NHSL1: variants seen among roughly 807,000 people sequenced by gnomAD.
NHSL1 encodes NHS like 1, also known as NHS-like protein 1.
NHSL1 carries 48 observed loss-of-function variants against 95.0 expected under a neutral mutation model. The ratio of observed to expected loss-of-function variants is 0.51; its 90% CI spans 0.40 to 0.64. The LOEUF (loss-of-function observed/expected upper bound fraction) is 0.64. Ranked by LOEUF, NHSL1 falls within the 30% of genes least tolerant of loss-of-function variation. NHSL1 has a pLI of 0.00. For synonymous variants in NHSL1, 783 were observed against 833.9 expected, an observed-to-expected ratio of 0.94 and a Z score of 1.05; for missense variants, 1,971 against 2,077.7, an observed-to-expected ratio of 0.95 and a Z score of 1.00.
At chr6:138,670,610 G>A (rs1387266277) in intron 1 of NHSL1, among the ~76,000 whole-genome samples, 1 of 141,032 alleles carries the variant, frequency 7.1e-6, no homozygotes, top group Non-Finnish European at 1.5e-5. Flanking sequence ...AGCTTGCAGT[G>A]AGCCGAGATC....
In NHSL1 at chr6:138,432,762, G is replaced by C. The variant is rs1775791147; in HGVS notation, c.1583C>G (p.Ala528Gly). ...YNCRNNLAFPAHPQDVDGKSE... is the reference protein window; with the variant it reads ...YNCRNNLAFPGHPQDVDGKSE... ...CTTGCCATCCACATCTTGGGGGTGG[G>C]CTGGGAAGGCCAGGTTGTTTCTACA... Residue 528 changes from alanine (A) to glycine (G), a missense_variant, in exon 6 of 8, where the codon GCC (alanine) becomes GGC (glycine). Ala to Gly is a moderately conservative substitution (Grantham distance 60). Coordinates refer to ENST00000343505, the MANE Select transcript of NHSL1 (RefSeq NM_001144060.2). This position sits in a 1 kb window ranked among gnomAD's most constrained non-coding sequence, Gnocchi z 4.4. 2 of 1,551,632 alleles carry C rather than the reference G, an allele frequency of 1.3e-6. No individual in the cohort carries two copies. Among genetic ancestry groups the C allele is most frequent in the Non-Finnish European group, 1.7e-6 (2 of 1,146,934 alleles).
At chr6:138,530,250 A>C (rs753839364) in intron 1 of NHSL1, among the ~76,000 whole-genome samples, 4 of 152,202 alleles carry the variant, frequency 2.6e-5, no homozygotes, top group Non-Finnish European at 5.9e-5. Flanking sequence ...AACTGCAATG[A>C]GATACCACCT....
rs141567794 is a variant in NHSL1, at chr6:138,498,712, G to C, written c.58+521C>G. Among the ~76,000 whole-genome samples, 647 of 152,300 alleles carry C rather than the reference G, an allele frequency of 4.2e-3. 6 individuals carry two copies. The highest frequency in any genetic ancestry group is 0.014 in the African/African-American group (598 of 41,566). On this transcript the variant is annotated intron_variant, in intron 1 of 7. Coordinates refer to ENST00000343505, the MANE Select transcript of NHSL1 (RefSeq NM_001144060.2). ...TGTACCTTACAACAATCACTGATCA[G>C]TCTAGACAGTTTGTGCTCGAGCTCT... is the stretch of plus-strand genomic sequence containing the variant.
intron 1 of NHSL1, among the ~76,000 whole-genome samples, chr6:138,540,488 AAAT>A: frequency 6.6e-6 from 1 of 152,252 alleles, no homozygotes; most frequent in Non-Finnish European, 1.5e-5. Context: ...TTCAGCACAG[AAAT>A]AACAAATCTG....
chr6:138,629,128 T>G (rs866896237), intron 1 of NHSL1, among the ~76,000 whole-genome samples: 1 of 152,214 alleles, frequency 6.6e-6, no homozygotes, highest in Non-Finnish European at 1.5e-5. Flanking sequence ...TCTTAAGTTC[T>G]GCCGCCTGTA....
At chr6:138,639,309 C>T (rs1784928767) in intron 1 of NHSL1, among the ~76,000 whole-genome samples, 1 of 151,878 alleles carries the variant, frequency 6.6e-6, no homozygotes, top group South Asian at 2.1e-4. Context: ...TAAATAATTC[C>T]CCTATAACAA....
intron 2 of NHSL1, among the ~76,000 whole-genome samples, chr6:138,474,938 C>T (rs890147585): frequency 1.3e-5 from 2 of 152,080 alleles, no homozygotes; most frequent in South Asian, 4.1e-4. Flanking sequence ...CATCTGAGGT[C>T]GGGAATTCAA....
chr6:138,478,271 G>A (rs57900502), intron 2 of NHSL1, among the ~76,000 whole-genome samples: 7,923 of 151,766 alleles, frequency 0.052, 678 homozygotes, highest in African/African-American at 0.18. Flanking sequence ...GTGAACCACC[G>A]CGCTGGCCAT....
chr6:138,501,872 A>C (rs1035678880), upstream of NHSL1, among the ~76,000 whole-genome samples: 4 of 152,234 alleles, frequency 2.6e-5, no homozygotes, highest in Non-Finnish European at 5.9e-5. Context: ...CATTACTTAT[A>C]GTACCTAATA....
Position 138,432,156 on chromosome 6 carries a change from T to C in NHSL1, c.2189A>G (p.Glu730Gly). Residue 730 changes from glutamate to glycine, a missense_variant, in exon 6 of 8, where the codon GAG (glutamate) becomes GGG (glycine). Glu to Gly is a moderately conservative substitution (Grantham distance 98, BLOSUM62 -2). Transcript: ENST00000343505. This position sits in a 1 kb window ranked among gnomAD's most constrained non-coding sequence, Gnocchi z 4.4. ...GCTCCGGGAGCGGGGCAGCCAGGGCTCTTCCAAGTCACTGCAGGGGCTCTG... is the reference window on the plus strand; with the variant it reads ...GCTCCGGGAGCGGGGCAGCCAGGGCCCTTCCAAGTCACTGCAGGGGCTCTG... ...PSQSPCSDLE[E>G]PWLPRSRSQS... is the part of the protein sequence containing the mutation. 1 of 1,548,216 alleles carries C rather than the reference T, an allele frequency of 6.5e-7. No individual in the cohort carries two copies. The highest frequency in any genetic ancestry group is 2.0e-5 in the Admixed American group (1 of 50,834).
At chr6:138,680,684 T>A (rs1330673780) in intron 1 of NHSL1, among the ~76,000 whole-genome samples, 6 of 152,230 alleles carry the variant, frequency 3.9e-5, no homozygotes, top group Non-Finnish European at 5.9e-5. Context: ...TGGTGTGATC[T>A]TAGCTCACTG....
In NHSL1 at chr6:138,523,520, G is replaced by C. The variant is rs534988088; in HGVS notation, c.16+22103C>G. Among the ~76,000 whole-genome samples the C allele has an allele frequency of 1.2e-3, 178 of 150,786 alleles. 2 individuals are homozygous for C. The highest frequency in any genetic ancestry group is 4.0e-3 in the African/African-American group (166 of 41,198). ...GACAGGGTCTCGCTACGTTGCCCAG[G>C]CTGGTCTCAAACTCCTGGACTCAAG... On this transcript the variant is annotated intron_variant, in intron 1 of 4. Coordinates refer to the NHSL1 transcript ENST00000342260.
chr6:138,529,128 G>A (rs1562351210), intron 1 of NHSL1, among the ~76,000 whole-genome samples: 1 of 152,078 alleles, frequency 6.6e-6, no homozygotes, highest in Non-Finnish European at 1.5e-5. Flanking sequence ...TCTCCGCTGG[G>A]GCCTTTAGAA....
rs180703614 is a variant in NHSL1 at position 138,430,504 on chromosome 6, G to A, written c.3841C>T (p.Pro1281Ser). 3.7e-5 allele frequency: 57 copies of A among 1,551,436 alleles called. No homozygotes were observed. The African/African-American group carries it at 7.0e-4, about 19-fold the overall frequency. ...GGTGAGACATCAGGCTGAACCATGG[G>A]GACATTGGCTTCCACTCTGCTGGGA... ...MSPSRVEANV[P>S]MVQPDVSPAP... is the part of the protein sequence containing the mutation. Residue 1281 changes from proline (P) to serine (S), a missense_variant, in exon 6 of 8, where the codon CCC becomes TCC. Coordinates refer to ENST00000343505, the MANE Select transcript of NHSL1 (RefSeq NM_001144060.2). This position sits in a 1 kb window ranked among gnomAD's most constrained non-coding sequence, Gnocchi z 4.7.
intron 1 of NHSL1, among the ~76,000 whole-genome samples, chr6:138,540,173 A>T (rs182822295): frequency 1.2e-4 from 18 of 152,362 alleles, no homozygotes; most frequent in African/African-American, 4.1e-4. Context: ...ATGCAATTTT[A>T]AATGAAAGGA....
intron 1 of NHSL1, among the ~76,000 whole-genome samples, chr6:138,686,905 A>C (rs1785591664): frequency 6.6e-6 from 1 of 152,188 alleles, no homozygotes; most frequent in African/African-American, 2.4e-5. Context: ...AGCAGTTCTT[A>C]AAGTTAGTCA....
intron 3 of NHSL1, chr6:138,464,279 C>T: frequency 2.5e-6 from 2 of 788,714 alleles, no homozygotes; most frequent in East Asian, 2.9e-5. Context: ...CCTGCTTTGG[C>T]AGACCCTGGT....
At chr6:138,447,310 A>G in intron 3 of NHSL1, 117 bp from the exon 4 acceptor site, 1 of 812,930 alleles carries the variant, frequency 1.2e-6, no homozygotes, top group Non-Finnish European at 1.9e-6. Flanking sequence ...AAAATAATTG[A>G]TCGCTTTTAG....
intron 3 of NHSL1, among the ~76,000 whole-genome samples, chr6:138,457,306 T>C (rs928947513): frequency 6.6e-6 from 1 of 152,208 alleles, no homozygotes; most frequent in African/African-American, 2.4e-5. Flanking sequence ...CTTGCTACAC[T>C]ATATTCCCAC....
Sources: gnomAD v4.1 joint callset for allele counts (sites outside exome capture counted in the v4.1 genomes callset) on GRCh38, gnomAD v4.1.1 for gene constraint, Gnocchi (gnomAD v3.1) non-coding constraint, MANE v1.5 for transcripts, NCBI Gene and HGNC (gene_info 2026-07-23, HGNC 2026-07-21) for gene names.